KDM7A: variants seen among roughly 807,000 people sequenced by gnomAD.
KDM7A encodes lysine-specific demethylase 7A.
In KDM7A, 28 loss-of-function variants were observed where a neutral mutation model predicts 114.8. The ratio of observed to expected loss-of-function variants is 0.24; its 90% CI spans 0.18 to 0.33. The LOEUF (loss-of-function observed/expected upper bound fraction) is 0.33. Ranked by LOEUF, KDM7A falls within the 10% of genes least tolerant of loss-of-function variation. The probability of loss-of-function intolerance (pLI) is 1.00; values close to 1 mark genes in which losing one functional copy is unlikely to be tolerated. For synonymous variants in KDM7A, 423 were observed against 397.8 expected (o/e 1.06, Z -0.75); for missense variants, 942 against 1,142.5 (o/e 0.82, Z 2.53).
At chr7:140,100,683 TATATAC>T (rs1200963913) in intron 12 of KDM7A, among the ~76,000 whole-genome samples, 134 of 36,536 alleles carry the variant, frequency 3.7e-3, no homozygotes, top group South Asian at 0.013. Flanking sequence ...TATATATACA[TATATAC>T]ATATATATAT....
chr7:140,148,377 GT>G (rs1313909597), intron 1 of KDM7A, among the ~76,000 whole-genome samples: 2 of 149,758 alleles, frequency 1.3e-5, no homozygotes, highest in South Asian at 2.1e-4. Context: ...TACTTTACCT[GT>G]TTTTTGTTTT....
chr7:140,152,759 C>CA (rs1794415262), intron 1 of KDM7A, among the ~76,000 whole-genome samples: 1 of 152,150 alleles, frequency 6.6e-6, no homozygotes, highest in African/African-American at 2.4e-5. Context: ...CAAGTCAGGG[C>CA]AATATGTAAA....
chr7:140,126,597 G>T, intron 6 of KDM7A, 40 bp downstream of exon 6: 1 of 1,331,018 alleles, frequency 7.5e-7, no homozygotes, highest in Non-Finnish European at 1.0e-6. Context: ...AGGGCTATAT[G>T]TTTTTGTCAG....
chr7:140,150,452 C>T (rs1321953275), intron 1 of KDM7A, among the ~76,000 whole-genome samples: 3 of 152,180 alleles, frequency 2.0e-5, no homozygotes, highest in South Asian at 4.1e-4. Flanking sequence ...AGCTTCTACA[C>T]GGCAGCCTTT....
At chr7:140,098,508 C>G (rs982760823) in intron 14 of KDM7A, among the ~76,000 whole-genome samples, 2 of 152,192 alleles carry the variant, frequency 1.3e-5, no homozygotes, top group Non-Finnish European at 2.9e-5. Flanking sequence ...CTTCCTAATT[C>G]TGAAAACCAT....
intron 1 of KDM7A, among the ~76,000 whole-genome samples, chr7:140,162,930 T>C (rs1181278375): frequency 2.0e-5 from 3 of 151,918 alleles, no homozygotes. Flanking sequence ...CATGCTGATA[T>C]GAGAAGCTCT....
At chr7:140,111,271 T>G (rs573309535) in intron 10 of KDM7A, 87 bp from the exon 11 acceptor site, 1 of 802,706 alleles carries the variant, frequency 1.2e-6, no homozygotes, top group African/African-American at 1.7e-5. Context: ...ATTTTTGGAT[T>G]CTCTAAACTG....
intron 1 of KDM7A, among the ~76,000 whole-genome samples, chr7:140,145,794 A>C (rs1794333199): frequency 6.6e-6 from 1 of 152,180 alleles, no homozygotes; most frequent in Non-Finnish European, 1.5e-5. Flanking sequence ...TGACACCAAA[A>C]GAATTAGAGA....
intron 2 of KDM7A, among the ~76,000 whole-genome samples, chr7:140,134,296 T>C (rs1331862704): frequency 3.3e-5 from 5 of 152,198 alleles, no homozygotes; most frequent in East Asian, 1.9e-4. Context: ...ATCAGAAGAT[T>C]TGGATTTGAT....
At chr7:140,120,416 G>A in intron 8 of KDM7A, 26 bp downstream of exon 8, 4 of 1,389,302 alleles carry the variant, frequency 2.9e-6, no homozygotes, top group Non-Finnish European at 4.1e-6. Flanking sequence ...AGGACAAAAG[G>A]TCATTTAAAT....
intron 9 of KDM7A, among the ~76,000 whole-genome samples, chr7:140,113,946 A>G (rs1324225514): frequency 4.6e-5 from 7 of 152,176 alleles, no homozygotes; most frequent in Admixed American, 2.0e-4. Context: ...GTATCTGGCC[A>G]GATTTTAAAA....
intron 9 of KDM7A, among the ~76,000 whole-genome samples, chr7:140,117,517 A>T (rs979887017): frequency 1.3e-5 from 2 of 152,090 alleles, no homozygotes; most frequent in African/African-American, 4.8e-5. Flanking sequence ...GCTAACCATA[A>T]GACAGGAACT....
chr7:140,169,648 C>T (rs1356925518), intron 1 of KDM7A, among the ~76,000 whole-genome samples: 2 of 152,162 alleles, frequency 1.3e-5, no homozygotes, highest in Admixed American at 6.5e-5. Context: ...GCCTCAGCCT[C>T]CCGGATAGCT....
chr7:140,161,331 G>A (rs1368498197), intron 1 of KDM7A, among the ~76,000 whole-genome samples: 2 of 152,182 alleles, frequency 1.3e-5, no homozygotes, highest in African/African-American at 4.8e-5. Context: ...AACCATTGAT[G>A]GAAACTGGCC....
rs550326526 is a variant in KDM7A at position 140,119,610 on chromosome 7, A to G, written c.1140-391T>C. 5.3e-5 allele frequency among the ~76,000 whole-genome samples: 8 copies of G among 152,362 alleles called. No homozygotes were observed. The South Asian group carries it at 1.4e-3, about 28-fold the overall frequency. On this transcript the variant is annotated intron_variant, in intron 8 of 19. Coordinates refer to ENST00000397560, the MANE Select transcript of KDM7A (RefSeq NM_030647.2). ...AAGTTTTATTTAGGCTCCACTAGGC[A>G]TTCCAGCTCAAGACCACACTTGGCA...
At chr7:140,159,945 T>TAA (rs71520071) in intron 1 of KDM7A, among the ~76,000 whole-genome samples, 4,072 of 123,966 alleles carry the variant, frequency 0.033, 224 homozygotes, top group African/African-American at 0.11. Context: ...TGACTTCCAT[T>TAA]AAAAAAAAAA....
intron 1 of KDM7A, among the ~76,000 whole-genome samples, chr7:140,158,917 A>C (rs1794487765): frequency 6.6e-6 from 1 of 152,246 alleles, no homozygotes; most frequent in Non-Finnish European, 1.5e-5. Flanking sequence ...AAAGGAAAAA[A>C]ACCAAAAAAC....
At chr7:140,171,507 A>ATATATATTTATAAATATATATTTATT (rs1263687067) in intron 1 of KDM7A, among the ~76,000 whole-genome samples, 5,053 of 139,432 alleles carry the variant, frequency 0.036, 330 homozygotes, top group East Asian at 0.12. Context: ...TACATATTTT[A>ATATATATTTATAAATATATATTTATT]TATATATTTA....
At chr7:140,139,934 C>A (rs975589682) in intron 1 of KDM7A, among the ~76,000 whole-genome samples, 1 of 152,130 alleles carries the variant, frequency 6.6e-6, no homozygotes, top group Non-Finnish European at 1.5e-5. Flanking sequence ...ATGGGCAAAC[C>A]TGAGTCATGA....
Sources: gnomAD v4.1 joint callset for allele counts (sites outside exome capture counted in the v4.1 genomes callset) on GRCh38, gnomAD v4.1.1 for gene constraint, MANE v1.5 for transcripts, NCBI Gene and HGNC (gene_info 2026-07-23, HGNC 2026-07-21) for gene names.